NBEAL1: variants seen among roughly 807,000 people sequenced by gnomAD.
NBEAL1 encodes neurobeachin like 1.
NBEAL1 carries 273 observed loss-of-function variants against 351.3 expected under a neutral mutation model. The observed-to-expected ratio is 0.78, with a 90% CI of 0.70 to 0.86. The LOEUF (loss-of-function observed/expected upper bound fraction) is 0.86, where lower values mean the gene tolerates loss of function less well. NBEAL1 is among the 40% of genes least tolerant of loss of function. The pLI is 0.00. For missense variants in NBEAL1, 2,961 were observed against 3,201.3 expected (o/e 0.92, Z 1.81); for synonymous variants, 1,050 against 1,086.4 (o/e 0.97, Z 0.66).
intron 51 of NBEAL1, among the ~76,000 whole-genome samples, chr2:203,203,730 T>G (rs1041508521): frequency 1.3e-5 from 2 of 152,090 alleles, no homozygotes; most frequent in Non-Finnish European, 2.9e-5. Context: ...TCTTCTAATT[T>G]TTTTTGTTTT....
At chr2:203,087,564 C>T (rs552746868) in intron 10 of NBEAL1, among the ~76,000 whole-genome samples, 1 of 152,290 alleles carries the variant, frequency 6.6e-6, no homozygotes, top group South Asian at 2.1e-4. Flanking sequence ...TGACTCAAGG[C>T]CTGCCTATTA....
intron 51 of NBEAL1, among the ~76,000 whole-genome samples, chr2:203,207,529 G>A (rs911689095): frequency 6.6e-6 from 1 of 152,268 alleles, no homozygotes; most frequent in Admixed American, 6.5e-5. Flanking sequence ...GTGTTAGAAA[G>A]AGGTAGACAT....
At chr2:203,194,327 T>A (rs1449700046) in intron 47 of NBEAL1, among the ~76,000 whole-genome samples, 1 of 152,168 alleles carries the variant, frequency 6.6e-6, no homozygotes, top group Admixed American at 6.5e-5. Context: ...GAGTAGTTAA[T>A]GGTGTAATTG....
chr2:203,092,942 C>G (rs1325224218), intron 10 of NBEAL1, among the ~76,000 whole-genome samples: 1 of 152,128 alleles, frequency 6.6e-6, no homozygotes, highest in African/African-American at 2.4e-5. Flanking sequence ...TGTAAAGAAT[C>G]TGCTAATCCG....
At chr2:203,022,107 A>T (rs992153852) in intron 2 of NBEAL1, among the ~76,000 whole-genome samples, 1 of 152,042 alleles carries the variant, frequency 6.6e-6, no homozygotes, top group East Asian at 1.9e-4. Context: ...TCCCTATCTC[A>T]ACTGCAACCC....
intron 7 of NBEAL1, among the ~76,000 whole-genome samples, chr2:203,070,357 C>CGCTT (rs1559345155): frequency 1.6e-5 from 2 of 126,204 alleles, no homozygotes; most frequent in Admixed American, 8.7e-5. Flanking sequence ...CTCTCTCTCT[C>CGCTT]TCTTTTTTTT....
intron 50 of NBEAL1, 44 bp downstream of exon 50, chr2:203,201,759 T>C: frequency 6.6e-7 from 1 of 1,520,448 alleles, no homozygotes; most frequent in Non-Finnish European, 8.9e-7. Context: ...AAATTTTCTT[T>C]TTTTCTTAAG....
chr2:203,075,860 A>G (rs1284323249), intron 7 of NBEAL1, among the ~76,000 whole-genome samples: 1 of 152,144 alleles, frequency 6.6e-6, no homozygotes, highest in South Asian at 2.1e-4. Context: ...CCAGTTTTCT[A>G]GTTGTTTATA....
At chr2:203,203,471 G>A (rs563283738) in intron 51 of NBEAL1, among the ~76,000 whole-genome samples, 151 of 152,104 alleles carry the variant, frequency 9.9e-4, no homozygotes, top group Middle Eastern at 3.4e-3. Context: ...CACTGTGCCC[G>A]GTCAGCTTCT....
At chr2:203,103,464 G>T (rs994229238) in intron 12 of NBEAL1, among the ~76,000 whole-genome samples, 2 of 152,028 alleles carry the variant, frequency 1.3e-5, no homozygotes, top group African/African-American at 4.8e-5. Flanking sequence ...TAGAGATGTG[G>T]TTTCACCATG....
intron 6 of NBEAL1, among the ~76,000 whole-genome samples, chr2:203,058,575 A>G (rs1242121012): frequency 6.6e-6 from 1 of 152,238 alleles, no homozygotes; most frequent in African/African-American, 2.4e-5. Flanking sequence ...TCTCTTGAGC[A>G]GTCAAGAGGC....
chr2:203,049,111 A>T (rs2061280941), intron 3 of NBEAL1, among the ~76,000 whole-genome samples: 1 of 152,072 alleles, frequency 6.6e-6, no homozygotes, highest in Non-Finnish European at 1.5e-5. Flanking sequence ...GGTTCAAGCG[A>T]TTCTTCTGCC....
chr2:203,113,695 G>T (rs1208864281), intron 17 of NBEAL1, among the ~76,000 whole-genome samples: 1 of 151,972 alleles, frequency 6.6e-6, no homozygotes, highest in Non-Finnish European at 1.5e-5. Context: ...ATCAGGATCA[G>T]GCTCTCACTT....
chr2:203,142,197 C>T (rs544326216), intron 31 of NBEAL1, among the ~76,000 whole-genome samples: 1 of 152,250 alleles, frequency 6.6e-6, no homozygotes, highest in South Asian at 2.1e-4. Flanking sequence ...GCTCTTTTGC[C>T]CATGGTGGAG....
rs1480363818 is a variant in NBEAL1, at chr2:203,224,966, C to G, written c.*7612C>G. Among the ~76,000 whole-genome samples the G allele has an allele frequency of 6.6e-6, 1 of 152,046 alleles. No homozygotes were observed. The highest frequency in any genetic ancestry group is 2.4e-5 in the African/African-American group (1 of 41,420). ...ATAAGATGTATGTTTTGTTTTATTACATTAAGTGCTATTTTTAAAAAATTC... is the reference window on the plus strand; with the variant it reads ...ATAAGATGTATGTTTTGTTTTATTAGATTAAGTGCTATTTTTAAAAAATTC... On this transcript the variant is annotated 3_prime_UTR_variant, in exon 56 of 56. Coordinates refer to ENST00000683969, the MANE Select transcript of NBEAL1 (RefSeq NM_001378026.1).
In NBEAL1 at chr2:203,188,544, G is replaced by C. The variant is rs745409621; in HGVS notation, c.6778G>C (p.Ala2260Pro). Reference protein sequence around the residue: ...LIFGYKQRGPAAVEALNVFYY... With the variant: ...LIFGYKQRGPPAVEALNVFYY... ...CTTTGGCTATAAACAGAGGGGACCA[G>C]CTGCAGTAGAGGCACTCAACGTTTT... The change falls in exon 45 of 56, where the codon GCT becomes CCT. Residue 2260 changes from alanine (A) to proline (P), a missense_variant. By Grantham distance (27) the Ala-to-Pro change is conservative. Coordinates refer to ENST00000683969, the MANE Select transcript of NBEAL1 (RefSeq NM_001378026.1). The C allele has an allele frequency of 6.3e-5, 102 of 1,609,846 alleles. No homozygotes were observed. Among genetic ancestry groups the C allele is most frequent in the Admixed American group, 4.4e-4 (26 of 59,316 alleles).
In NBEAL1 at chr2:203,201,579, G is replaced by A. The variant is rs1179326779; in HGVS notation, c.7275G>A (p.Gly2425=). 6.2e-7 allele frequency: 1 copy of A among 1,602,734 alleles called. No individual in the cohort carries two copies. ...GTATAAATGGTTCTTTTGCTCCCGG[G>A]CTAGAGATCACTTCTAAGCTATTTG... ...QRSINGSFAP[G]LEITSKLFVV... is the part of the protein sequence containing the mutation. Residue 2425 remains glycine (G), a synonymous_variant, in exon 50 of 56, where the codon GGG becomes GGA. Coordinates refer to ENST00000683969, the MANE Select transcript of NBEAL1 (RefSeq NM_001378026.1).
chr2:203,135,640 C>G (rs892200547), intron 27 of NBEAL1, 37 bp from the exon 28 acceptor site: 1 of 1,343,372 alleles, frequency 7.4e-7, no homozygotes, highest in Non-Finnish European at 1.0e-6. Flanking sequence ...GTACTATGTA[C>G]TTTTTGAAGA....
chr2:203,096,284 T>G (rs946292143), intron 10 of NBEAL1, among the ~76,000 whole-genome samples: 2 of 152,222 alleles, frequency 1.3e-5, no homozygotes, highest in Non-Finnish European at 2.9e-5. Context: ...ATATATCAAT[T>G]TATTGTTATG....
Sources: gnomAD v4.1 joint callset for allele counts (sites outside exome capture counted in the v4.1 genomes callset) on GRCh38, gnomAD v4.1.1 for gene constraint, MANE v1.5 for transcripts, NCBI Gene and HGNC (gene_info 2026-07-23, HGNC 2026-07-21) for gene names.